The following OSBPL1A variants were observed in gnomAD, a reference collection of about 807,000 sequenced individuals.
OSBPL1A encodes the protein oxysterol binding protein like 1A.
A neutral mutation model predicts 137.1 loss-of-function variants in OSBPL1A; 80 were observed. That is an observed-to-expected ratio of 0.58 (90% CI 0.49 to 0.70). The LOEUF (loss-of-function observed/expected upper bound fraction) is 0.70. Among genes scored for constraint, OSBPL1A ranks in the 30% least tolerant of loss-of-function variants. The probability of loss-of-function intolerance (pLI) is 0.00; values close to 1 mark genes in which losing one functional copy is unlikely to be tolerated. For missense variants in OSBPL1A, 970 were observed against 1,129.4 expected, an observed-to-expected ratio of 0.86 and a Z score of 2.02; for synonymous variants, 365 against 389.7, an observed-to-expected ratio of 0.94 and a Z score of 0.75.
chr18:24,296,003 C>G (rs2090283846), intron 14 of OSBPL1A, among the ~76,000 whole-genome samples: 1 of 151,970 alleles, frequency 6.6e-6, no homozygotes, highest in African/African-American at 2.4e-5. Context: ...TATGGGATTC[C>G]ATATGAGTTT....
At position 24,271,948 on chromosome 18, in the gene OSBPL1A, C is replaced by G. The variant is rs2089732465; in HGVS notation, c.1281+8894G>C. On this transcript the variant is annotated intron_variant, in intron 15 of 27. Coordinates refer to ENST00000319481, the MANE Select transcript of OSBPL1A (RefSeq NM_080597.4). The surrounding 1 kb of genome is among the most constrained non-coding windows in gnomAD (Gnocchi z 4.0). ...CCCTCCGCCGCCGCTGGCTCGGCCG[C>G]AGACCCGCCCTCCGGGGCTCGCGGG... 1 of 982,744 alleles carries G rather than the reference C, an allele frequency of 1.0e-6. No individual in the cohort carries two copies. Among genetic ancestry groups the G allele is most frequent in the Non-Finnish European group, 1.2e-6 (1 of 829,134 alleles). The allele number at this position is 982,744 out of a possible 1,614,324, so 60.9% of individuals were successfully genotyped here. A position where few individuals can be genotyped will look rare whatever the true frequency, so the allele number is the denominator to read the frequency against.
At chr18:24,250,904 T>C (rs1030384293) in intron 15 of OSBPL1A, among the ~76,000 whole-genome samples, 1 of 152,136 alleles carries the variant, frequency 6.6e-6, no homozygotes, top group African/African-American at 2.4e-5. Flanking sequence ...CCAGGCCTAG[T>C]AGCATTCACC....
chr18:24,220,074 T>C (rs2087837932), intron 17 of OSBPL1A, among the ~76,000 whole-genome samples: 1 of 152,214 alleles, frequency 6.6e-6, no homozygotes, highest in Non-Finnish European at 1.5e-5. Context: ...AGTGGCCTGC[T>C]GGCTTTTAGT....
intron 25 of OSBPL1A, 29 bp downstream of exon 25, chr18:24,167,296 CAGTG>C (rs761121345): frequency 2.7e-5 from 42 of 1,573,206 alleles, no homozygotes; most frequent in Non-Finnish European, 3.4e-5. Flanking sequence ...TAAACACAGA[CAGTG>C]AGGCCACAGC....
intron 13 of OSBPL1A, among the ~76,000 whole-genome samples, chr18:24,305,815 A>G (rs2090489260): frequency 6.6e-6 from 1 of 152,172 alleles, no homozygotes; most frequent in Non-Finnish European, 1.5e-5. Context: ...AACAAGCCGC[A>G]TAGGATCTGA....
chr18:24,209,025 C>A (rs527276222), intron 17 of OSBPL1A, among the ~76,000 whole-genome samples: 19 of 152,188 alleles, frequency 1.2e-4, no homozygotes, highest in Admixed American at 1.0e-3. Flanking sequence ...TTACTTAGAA[C>A]CCCCAAGAGA....
At chr18:24,237,077 T>C (rs938453784) in intron 16 of OSBPL1A, among the ~76,000 whole-genome samples, 1 of 140,604 alleles carries the variant, frequency 7.1e-6, no homozygotes, top group Non-Finnish European at 1.6e-5. Flanking sequence ...GCTCCTTCCA[T>C]TCATGACTTA....
At chr18:24,263,200 T>C (rs2089482836) in intron 15 of OSBPL1A, among the ~76,000 whole-genome samples, 1 of 152,206 alleles carries the variant, frequency 6.6e-6, no homozygotes, top group Non-Finnish European at 1.5e-5. Flanking sequence ...GAATCACAAC[T>C]TAGGAGGTTA....
At chr18:24,321,756 A>T in intron 7 of OSBPL1A, 4 of 474,460 alleles carry the variant, frequency 8.4e-6, no homozygotes, top group South Asian at 4.8e-5. Context: ...AAACAAATAA[A>T]TTTTTTAAAA....
intron 17 of OSBPL1A, among the ~76,000 whole-genome samples, chr18:24,223,759 G>A (rs548314485): frequency 2.0e-5 from 3 of 152,218 alleles, no homozygotes; most frequent in African/African-American, 7.2e-5. Context: ...CTACAGCAGA[G>A]GACAGCATCT....
rs192702098 is a variant in OSBPL1A, at chr18:24,371,899, G to T, written c.122-3527C>A. Among the ~76,000 whole-genome samples, 427 of 152,258 alleles carry T rather than the reference G, an allele frequency of 2.8e-3. 2 individuals are homozygous for T. Among genetic ancestry groups the T allele is most frequent in the Non-Finnish European group, 3.0e-3 (204 of 68,020 alleles). The stretch of plus-strand genomic sequence containing the variant: ...GCTGCCACAGCCCTGTACCCTGTGG[G>T]TCCTCTCATTTCTCTGGCACTACTT... On this transcript the variant is annotated intron_variant, in intron 2 of 27. Coordinates refer to ENST00000319481, the MANE Select transcript of OSBPL1A (RefSeq NM_080597.4).
intron 14 of OSBPL1A, among the ~76,000 whole-genome samples, chr18:24,293,104 CAAAAAAAAAAA>C (rs1172730345): frequency 3.0e-5 from 2 of 66,382 alleles, no homozygotes; most frequent in East Asian, 8.3e-4. Flanking sequence ...ACTCCCGTCT[CAAAAAAAAAAA>C]AAAAAAAAAA....
chr18:24,257,585 A>T (rs901361972), intron 15 of OSBPL1A, among the ~76,000 whole-genome samples: 2 of 152,322 alleles, frequency 1.3e-5, no homozygotes, highest in Admixed American at 6.5e-5. Flanking sequence ...ATTTCTTAGT[A>T]ATACCCCACA....
chr18:24,283,595 T>C (rs190858919), intron 14 of OSBPL1A, among the ~76,000 whole-genome samples: 2 of 152,138 alleles, frequency 1.3e-5, no homozygotes, highest in Admixed American at 1.3e-4. Flanking sequence ...CCATATGACT[T>C]AAATAGTGCC....
intron 23 of OSBPL1A, among the ~76,000 whole-genome samples, chr18:24,170,830 T>C (rs902779111): frequency 6.6e-6 from 1 of 152,138 alleles, no homozygotes; most frequent in Non-Finnish European, 1.5e-5. Context: ...AGAAGTTTTT[T>C]TGTAGAGACA....
intron 1 of OSBPL1A, among the ~76,000 whole-genome samples, chr18:24,380,047 T>C (rs890055888): frequency 7.2e-5 from 11 of 152,320 alleles, no homozygotes; most frequent in Middle Eastern, 3.4e-3. Flanking sequence ...GGAATCAGAA[T>C]GATTTTGACT....
chr18:24,295,155 A>C (rs143322910), intron 14 of OSBPL1A, among the ~76,000 whole-genome samples: 1 of 152,078 alleles, frequency 6.6e-6, no homozygotes, highest in African/African-American at 2.4e-5. Flanking sequence ...TTCCATTTCC[A>C]TGATGATTAG....
rs2090593614 is a variant in OSBPL1A, at chr18:24,310,342, A to C, written c.1092+1642T>G. 8.6e-5 allele frequency among the ~76,000 whole-genome samples: 13 copies of C among 150,578 alleles called. 1 individual carries two copies. In the South Asian group the frequency reaches 2.7e-3, roughly 31 times the overall value. ...TGTGGCTCACGTCTGTAATCCCAGC[A>C]CTTTGCGGGGACGAGGCGGGTGGAT... On this transcript the variant is annotated intron_variant, in intron 13 of 27. Transcript: ENST00000319481.
At chr18:24,190,349 A>G (rs1319116327) in intron 18 of OSBPL1A, among the ~76,000 whole-genome samples, 138 of 6,946 alleles carry the variant, frequency 0.02, 1 homozygote, top group Non-Finnish European at 0.027. Flanking sequence ...TGCTACTGAA[A>G]AAAAAAAAAA....
Sources: allele counts gnomAD v4.1 joint callset (sites outside exome capture counted in the v4.1 genomes callset), GRCh38; gene constraint gnomAD v4.1.1; non-coding constraint Gnocchi (gnomAD v3.1); transcripts MANE v1.5; gene names NCBI Gene and HGNC (gene_info 2026-07-23, HGNC 2026-07-21).